The following ZNF184 variants were observed in gnomAD, a reference collection of about 807,000 sequenced individuals.
The protein encoded by ZNF184 is zinc finger protein 184.
In ZNF184, 16 loss-of-function variants were observed where a neutral mutation model predicts 54.4. The ratio of observed to expected loss-of-function variants is 0.29; its 90% CI spans 0.20 to 0.45. ZNF184 has a LOEUF of 0.45. Among genes scored for constraint, ZNF184 ranks in the 20% least tolerant of loss-of-function variants. ZNF184 has a pLI of 1.00. For missense variants in ZNF184, 681 were observed against 888.2 expected (o/e 0.77, Z 2.97); for synonymous variants, 254 against 295.3 (o/e 0.86, Z 1.43).
At chr6:27,457,259 T>A (rs1374492152) in intron 4 of ZNF184, 24 bp downstream of exon 4, 1 of 1,612,488 alleles carries the variant, frequency 6.2e-7, no homozygotes, top group Non-Finnish European at 8.5e-7. Flanking sequence ...CCCCTTGATA[T>A]TAACTCAGAG....
rs1763182247 is a variant in ZNF184, at chr6:27,467,920, T to C, written c.8A>G (p.Asp3Gly). 6.2e-7 allele frequency: 1 copy of C among 1,603,128 alleles called. No individual in the cohort carries two copies. The highest frequency in any genetic ancestry group is 8.5e-7 in the Non-Finnish European group (1 of 1,175,530). Residue 3 changes from aspartate (D) to glycine (G), a missense_variant and splice_region_variant, in exon 3 of 6, where the codon GAT (aspartate) becomes GGT (glycine). Transcript: ENST00000683788. ...AAGGGTGGAGTCTGGAGAGGACAGA[T>C]CTAGGGGGAGAAGCAGGAGCCATAT... Reference protein sequence around the residue: MEDLSSPDSTLLQ... With the variant: MEGLSSPDSTLLQ...
intron 5 of ZNF184, among the ~76,000 whole-genome samples, chr6:27,455,489 C>T (rs1173294354): frequency 6.6e-6 from 1 of 151,976 alleles, no homozygotes; most frequent in Non-Finnish European, 1.5e-5. Flanking sequence ...AACTTGACAA[C>T]TTGCTTTTTC....
the ZNF184 span, among the ~76,000 whole-genome samples, chr6:27,427,311 T>C: frequency 6.6e-6 from 1 of 152,178 alleles, no homozygotes; most frequent in Non-Finnish European, 1.5e-5. Context: ...TGACTGTTCA[T>C]ATTTATTCAA....
Position 27,453,299 on chromosome 6 carries a change from G to GA in ZNF184, c.299-40dup, listed in dbSNP as rs765941871. 18 of 1,515,966 alleles carry GA rather than the reference G, an allele frequency of 1.2e-5. No homozygotes were observed. Among genetic ancestry groups the GA allele is most frequent in the African/African-American group, 5.6e-5 (4 of 71,468 alleles). 93.9% of individuals were successfully genotyped at this position (1,515,966 alleles called of 1,614,324 possible). On this transcript the variant is annotated intron_variant, in intron 5 of 5. Coordinates refer to ENST00000683788, the MANE Select transcript of ZNF184 (RefSeq NM_001318891.2). The surrounding 1 kb of genome is among the most constrained non-coding windows in gnomAD (Gnocchi z 4.7). ...AAAATTCCAGTGTTCTCTGAATAGA[G>GA]AAAAAATAAACTGCTATTGTGGGAA...
the ZNF184 span, among the ~76,000 whole-genome samples, chr6:27,413,549 C>T: frequency 1.3e-5 from 2 of 152,180 alleles, no homozygotes; most frequent in Admixed American, 1.3e-4. Context: ...AATTTTGCCA[C>T]ATTTGTTTTA....
chr6:27,407,437 C>T, the ZNF184 span, among the ~76,000 whole-genome samples: 1 of 152,188 alleles, frequency 6.6e-6, no homozygotes, highest in African/African-American at 2.4e-5. Context: ...CTCCCCCTGC[C>T]CATCTGCCAG....
chr6:27,433,159 G>C, the ZNF184 span, among the ~76,000 whole-genome samples: 90,892 of 151,908 alleles, frequency 0.6, 27,477 homozygotes, highest in Middle Eastern at 0.75. Context: ...ACCCACAAAT[G>C]CATGACCATA....
chr6:27,407,237 T>A, the ZNF184 span, among the ~76,000 whole-genome samples: 1 of 151,950 alleles, frequency 6.6e-6, no homozygotes, highest in Non-Finnish European at 1.5e-5. Context: ...TGAAAGATGA[T>A]TTTGTTCAGC....
chr6:27,409,318 T>C, the ZNF184 span, among the ~76,000 whole-genome samples: 1 of 151,676 alleles, frequency 6.6e-6, no homozygotes, highest in Non-Finnish European at 1.5e-5. Flanking sequence ...GCTAACATGG[T>C]GAAACCCTGT....
chr6:27,442,314 C>CAT, the ZNF184 span, among the ~76,000 whole-genome samples: 1 of 152,118 alleles, frequency 6.6e-6, no homozygotes, highest in African/African-American at 2.4e-5. Context: ...ACCAGTTATG[C>CAT]AATTTTAAAT....
At chr6:27,433,749 A>G in the ZNF184 span, among the ~76,000 whole-genome samples, 1 of 152,170 alleles carries the variant, frequency 6.6e-6, no homozygotes, top group Non-Finnish European at 1.5e-5. Context: ...TTAATGGACA[A>G]TTGGGTTGCT....
chr6:27,469,475 T>C (rs1274996410), intron 2 of ZNF184, among the ~76,000 whole-genome samples: 2 of 152,086 alleles, frequency 1.3e-5, no homozygotes, highest in African/African-American at 4.8e-5. Flanking sequence ...ACCCCATCTC[T>C]ACTAAAAATA....
chr6:27,424,817 A>C, the ZNF184 span, among the ~76,000 whole-genome samples: 5 of 151,926 alleles, frequency 3.3e-5, no homozygotes, highest in African/African-American at 9.7e-5. Context: ...AGTCCCGCGC[A>C]GTGCGCCCAC....
In ZNF184 at chr6:27,472,333, A is replaced by C; in HGVS notation, c.-39T>G. ...CCCGTTCCTCTGGAACTTGAACACC[A>C]GGGTTCGCCAGGCAGCGTTCCTTCA... On this transcript the variant is annotated 5_prime_UTR_variant, in exon 2 of 6. Coordinates refer to ENST00000683788, the MANE Select transcript of ZNF184 (RefSeq NM_001318891.2). The surrounding 1 kb of genome is among the most constrained non-coding windows in gnomAD (Gnocchi z 4.8). 6.2e-7 allele frequency: 1 copy of C among 1,613,884 alleles called. No homozygotes were observed. The highest frequency in any genetic ancestry group is 1.1e-5 in the South Asian group (1 of 91,026).
chr6:27,424,165 G>C, the ZNF184 span, among the ~76,000 whole-genome samples: 1 of 152,134 alleles, frequency 6.6e-6, no homozygotes, highest in African/African-American at 2.4e-5. Flanking sequence ...AGACCTTTGC[G>C]GTAAGTGTTA....
chr6:27,467,733 T>G, intron 3 of ZNF184, 120 bp downstream of exon 3: 3 of 894,890 alleles, frequency 3.4e-6, no homozygotes, highest in Non-Finnish European at 3.3e-6. Flanking sequence ...ACTAGACAGA[T>G]GAGAGCCCAG....
At chr6:27,425,643 T>C in the ZNF184 span, among the ~76,000 whole-genome samples, 2 of 152,162 alleles carry the variant, frequency 1.3e-5, no homozygotes, top group Admixed American at 6.5e-5. Context: ...TTAAAAAAAA[T>C]GTATACCAGC....
the ZNF184 span, among the ~76,000 whole-genome samples, chr6:27,429,516 C>T: frequency 0.014 from 2,119 of 152,260 alleles, 43 homozygotes; most frequent in African/African-American, 0.045. Context: ...TAGCTTCTTG[C>T]GGGCTGAGCT....
At chr6:27,439,494 T>A in the ZNF184 span, among the ~76,000 whole-genome samples, 1 of 152,160 alleles carries the variant, frequency 6.6e-6, no homozygotes, top group African/African-American at 2.4e-5. Context: ...TGATCCAGGA[T>A]CACCTGAAGC....
Sources: allele counts gnomAD v4.1 joint callset (sites outside exome capture counted in the v4.1 genomes callset), GRCh38; gene constraint gnomAD v4.1.1; non-coding constraint Gnocchi (gnomAD v3.1); transcripts MANE v1.5; gene names NCBI Gene and HGNC (gene_info 2026-07-23, HGNC 2026-07-21).